MYO3B: variants seen among roughly 807,000 people sequenced by gnomAD.
The protein encoded by MYO3B is myosin IIIB, also known as myosin-IIIb.
Under a neutral mutation model 174.6 loss-of-function variants are expected in MYO3B, and 156 were observed. The ratio of observed to expected loss-of-function variants is 0.89; its 90% CI spans 0.78 to 1.02. MYO3B has a LOEUF of 1.02. MYO3B is among the 50% of genes least tolerant of loss of function. The pLI, the probability that MYO3B is intolerant of heterozygous loss-of-function variation, is 0.00. For missense variants in MYO3B, 1,632 were observed against 1,639.4 expected, an observed-to-expected ratio of 1.00 and a Z score of 0.08; for synonymous variants, 563 against 569.1, an observed-to-expected ratio of 0.99 and a Z score of 0.15.
chr2:170,496,131 C>T (rs1268238717), intron 25 of MYO3B, among the ~76,000 whole-genome samples: 1 of 152,204 alleles, frequency 6.6e-6, no homozygotes, highest in Non-Finnish European at 1.5e-5. Context: ...GAGAGCACTG[C>T]CCCTCCTCCC....
At chr2:170,493,485 A>G (rs1022816069) in intron 25 of MYO3B, among the ~76,000 whole-genome samples, 3 of 152,134 alleles carry the variant, frequency 2.0e-5, no homozygotes, top group African/African-American at 7.2e-5. Context: ...GTCATCTTAT[A>G]TCATTAAGAG....
intron 25 of MYO3B, among the ~76,000 whole-genome samples, chr2:170,471,466 A>G (rs1330946644): frequency 6.6e-6 from 1 of 152,142 alleles, no homozygotes. Flanking sequence ...CTAAGAAGCT[A>G]TCATCTAATC....
chr2:170,486,800 G>A (rs1037062498), intron 25 of MYO3B, among the ~76,000 whole-genome samples: 1 of 152,078 alleles, frequency 6.6e-6, no homozygotes, highest in Non-Finnish European at 1.5e-5. Flanking sequence ...TCCCTGTGTC[G>A]AGATGTCTGA....
intron 32 of MYO3B, among the ~76,000 whole-genome samples, chr2:170,568,031 A>G (rs1004870300): frequency 1.3e-5 from 2 of 152,196 alleles, no homozygotes; most frequent in Non-Finnish European, 2.9e-5. Context: ...TGATACCCTC[A>G]GCTTTCAAAG....
chr2:170,415,105 G>A (rs957219547), intron 22 of MYO3B, among the ~76,000 whole-genome samples: 56 of 152,134 alleles, frequency 3.7e-4, no homozygotes, highest in African/African-American at 1.3e-3. Flanking sequence ...AGGACTTCCA[G>A]TATGATATTG....
intron 6 of MYO3B, among the ~76,000 whole-genome samples, chr2:170,220,986 G>A (rs1044627793): frequency 3.9e-5 from 6 of 151,996 alleles, no homozygotes; most frequent in Non-Finnish European, 7.4e-5. Flanking sequence ...CTCTTTTTGC[G>A]CCATAATCCT....
intron 32 of MYO3B, among the ~76,000 whole-genome samples, chr2:170,636,774 T>C (rs1418228931): frequency 6.6e-6 from 1 of 152,182 alleles, no homozygotes; most frequent in African/African-American, 2.4e-5. Context: ...TGATTGTTAA[T>C]ATTTTATTTG....
intron 1 of MYO3B, among the ~76,000 whole-genome samples, chr2:170,184,756 C>A (rs1417471902): frequency 3.3e-5 from 5 of 152,032 alleles, no homozygotes; most frequent in Non-Finnish European, 7.4e-5. Flanking sequence ...TTTTGAAGAA[C>A]CTCCATACTG....
chr2:170,574,328 G>A (rs1692655025), intron 32 of MYO3B, among the ~76,000 whole-genome samples: 1 of 149,518 alleles, frequency 6.7e-6, no homozygotes, highest in South Asian at 2.1e-4. Flanking sequence ...ATCGACTAAT[G>A]TAATATATGG....
At chr2:170,517,819 G>T (rs78555294) in intron 29 of MYO3B, among the ~76,000 whole-genome samples, 4 of 151,720 alleles carry the variant, frequency 2.6e-5, no homozygotes, top group Admixed American at 1.3e-4. Context: ...TCTCCAAGAG[G>T]GGGGAAAACC....
intron 30 of MYO3B, among the ~76,000 whole-genome samples, chr2:170,536,430 G>A (rs1048288702): frequency 4.1e-4 from 63 of 152,216 alleles, no homozygotes; most frequent in African/African-American, 1.5e-3. Context: ...TGATTAGGGT[G>A]GGATGCAGTG....
At chr2:170,557,547 C>T (rs73029060) in intron 32 of MYO3B, among the ~76,000 whole-genome samples, 5,431 of 152,084 alleles carry the variant, frequency 0.036, 310 homozygotes, top group African/African-American at 0.12. Context: ...TACCTTTATT[C>T]CTCATTCATT....
At chr2:170,409,353 C>T (rs1293722836) in intron 22 of MYO3B, among the ~76,000 whole-genome samples, 3 of 152,200 alleles carry the variant, frequency 2.0e-5, no homozygotes, top group Non-Finnish European at 4.4e-5. Flanking sequence ...TTTTACCCCT[C>T]CCAAAGAGCT....
At chr2:170,483,696 A>G (rs1271707069) in intron 25 of MYO3B, among the ~76,000 whole-genome samples, 2 of 152,190 alleles carry the variant, frequency 1.3e-5, no homozygotes, top group Non-Finnish European at 2.9e-5. Flanking sequence ...TTAGATAATA[A>G]CAATGAAGCA....
intron 8 of MYO3B, chr2:170,341,401 C>G (rs939297648): frequency 6.6e-6 from 1 of 152,188 alleles, no homozygotes. Flanking sequence ...GTCGGATTCT[C>G]AGGAGGCCAT....
intron 28 of MYO3B, among the ~76,000 whole-genome samples, chr2:170,502,996 C>T (rs1361301266): frequency 6.6e-6 from 1 of 152,170 alleles, no homozygotes; most frequent in Non-Finnish European, 1.5e-5. Context: ...TCTACAACTT[C>T]AAAGCCCCAG....
At chr2:170,626,953 C>T (rs1004588978) in intron 32 of MYO3B, among the ~76,000 whole-genome samples, 6 of 152,064 alleles carry the variant, frequency 3.9e-5, no homozygotes, top group South Asian at 2.1e-4. Flanking sequence ...GTGGGTAACC[C>T]GACCTTTCTC....
intron 32 of MYO3B, among the ~76,000 whole-genome samples, chr2:170,605,694 T>TA (rs1247865384): frequency 4.6e-5 from 7 of 151,990 alleles, no homozygotes; most frequent in Non-Finnish European, 8.8e-5. Flanking sequence ...CTATCTCTAC[T>TA]AAAAATACAA....
chr2:170,416,059 G>C (rs1043745773), intron 22 of MYO3B, among the ~76,000 whole-genome samples: 1 of 152,112 alleles, frequency 6.6e-6, no homozygotes, highest in Middle Eastern at 3.2e-3. Context: ...CAATATAAAT[G>C]ATGTTCTTAT....
Sources: gnomAD v4.1 joint callset for allele counts (sites outside exome capture counted in the v4.1 genomes callset) on GRCh38, gnomAD v4.1.1 for gene constraint, MANE v1.5 for transcripts, NCBI Gene and HGNC (gene_info 2026-07-23, HGNC 2026-07-21) for gene names.